CDH18: variants seen among roughly 807,000 people sequenced by gnomAD.
CDH18 encodes cadherin 18.
CDH18 carries 31 observed loss-of-function variants against 67.9 expected under a neutral mutation model. The observed-to-expected ratio is 0.46, with a 90% CI of 0.34 to 0.62. CDH18 has a LOEUF of 0.62. Among genes scored for constraint, CDH18 ranks in the 20% least tolerant of loss-of-function variants. The pLI is 0.01. For missense variants in CDH18, 890 were observed against 975.5 expected, an observed-to-expected ratio of 0.91 and a Z score of 1.17; for synonymous variants, 362 against 347.2, an observed-to-expected ratio of 1.04 and a Z score of -0.48.
chr5:19,869,749 G>T (rs1786018902), intron 2 of CDH18, among the ~76,000 whole-genome samples: 1 of 151,836 alleles, frequency 6.6e-6, no homozygotes, highest in Non-Finnish European at 1.5e-5. Context: ...TACATTATTG[G>T]GGCTAAAGTA....
At chr5:19,871,961 C>A (rs1283271407) in intron 2 of CDH18, among the ~76,000 whole-genome samples, 1 of 151,698 alleles carries the variant, frequency 6.6e-6, no homozygotes, top group Non-Finnish European at 1.5e-5. Context: ...ATGTGAGTTT[C>A]TTTTTTAATC....
At chr5:20,338,110 A>G (rs1188747163) in intron 1 of CDH18, among the ~76,000 whole-genome samples, 2 of 152,172 alleles carry the variant, frequency 1.3e-5, no homozygotes, top group Non-Finnish European at 2.9e-5. Flanking sequence ...CCCTCCAACA[A>G]TAGGTGGGAT....
At chr5:19,513,320 A>G (rs1745417110) in intron 10 of CDH18, among the ~76,000 whole-genome samples, 1 of 152,104 alleles carries the variant, frequency 6.6e-6, no homozygotes, top group South Asian at 2.1e-4. Flanking sequence ...TTCTAAAAAT[A>G]TATGCATTAT....
At chr5:20,104,770 C>T (rs1321882925) in intron 2 of CDH18, among the ~76,000 whole-genome samples, 1 of 151,926 alleles carries the variant, frequency 6.6e-6, no homozygotes, top group Non-Finnish European at 1.5e-5. Context: ...CTAATGCTAC[C>T]TTTTCCATAG....
intron 1 of CDH18, among the ~76,000 whole-genome samples, chr5:20,495,293 T>C (rs1753839938): frequency 6.6e-6 from 1 of 152,088 alleles, no homozygotes; most frequent in Admixed American, 6.6e-5. Flanking sequence ...ATTCAAAGTT[T>C]TACTGTATAA....
intron 2 of CDH18, among the ~76,000 whole-genome samples, chr5:20,077,362 G>A (rs1228989202): frequency 1.3e-5 from 2 of 152,174 alleles, no homozygotes; most frequent in Admixed American, 1.3e-4. Context: ...CAGACAAATT[G>A]TCGTGCTATT....
chr5:20,151,708 T>C (rs1047542064), intron 2 of CDH18, among the ~76,000 whole-genome samples: 1 of 152,130 alleles, frequency 6.6e-6, no homozygotes, highest in Admixed American at 6.6e-5. Context: ...CGTCAAATAC[T>C]TCTTTTCCCA....
chr5:19,758,406 A>G (rs773210615), intron 3 of CDH18, among the ~76,000 whole-genome samples: 1 of 152,220 alleles, frequency 6.6e-6, no homozygotes, highest in Non-Finnish European at 1.5e-5. Context: ...TGATTCACCT[A>G]TGGTGGCCTG....
chr5:19,820,589 G>A (rs1779771422), intron 3 of CDH18, among the ~76,000 whole-genome samples: 1 of 152,172 alleles, frequency 6.6e-6, no homozygotes, highest in Non-Finnish European at 1.5e-5. Context: ...ATGTCCCCTG[G>A]TGGACTAACC....
chr5:20,427,300 A>G (rs1374569468), intron 1 of CDH18, among the ~76,000 whole-genome samples: 2 of 151,252 alleles, frequency 1.3e-5, no homozygotes, highest in Non-Finnish European at 2.9e-5. Flanking sequence ...GAGAAAATGT[A>G]TCTTAGAAAG....
At chr5:20,305,540 C>G (rs1736350035) in intron 1 of CDH18, 9 of 789,722 alleles carry the variant, frequency 1.1e-5, no homozygotes, top group Non-Finnish European at 1.8e-5. Context: ...TCTCGAGCGG[C>G]TGGTGGTCGC....
intron 3 of CDH18, chr5:19,803,701 A>G (rs1424129001): frequency 6.6e-6 from 1 of 152,230 alleles, no homozygotes; most frequent in African/African-American, 2.4e-5. Flanking sequence ...TCAATAAAAT[A>G]CATTTCTTAT....
chr5:20,287,229 A>C (rs1419345395), intron 1 of CDH18, among the ~76,000 whole-genome samples: 2 of 151,756 alleles, frequency 1.3e-5, no homozygotes. Context: ...TACTTAAAGA[A>C]AGCATGTCAT....
intron 2 of CDH18, among the ~76,000 whole-genome samples, chr5:19,929,956 A>G (rs904349532): frequency 1.3e-5 from 2 of 152,070 alleles, no homozygotes; most frequent in Admixed American, 1.3e-4. Flanking sequence ...GTAGAGGTTG[A>G]AGTAGAAACT....
At chr5:20,363,560 C>A (rs1439055183) in intron 1 of CDH18, among the ~76,000 whole-genome samples, 1 of 149,432 alleles carries the variant, frequency 6.7e-6, no homozygotes, top group Non-Finnish European at 1.5e-5. Context: ...TTGCATGTAT[C>A]TTTCCTTACC....
chr5:20,498,343 A>G (rs147405549), intron 1 of CDH18, among the ~76,000 whole-genome samples: 1 of 152,100 alleles, frequency 6.6e-6, no homozygotes, highest in Admixed American at 6.6e-5. Flanking sequence ...AATCAGCTGC[A>G]TGTAATGATA....
rs1380846291 is a variant in CDH18 at position 19,839,009 on chromosome 5, C to A, written c.-23G>T. The A allele has an allele frequency of 6.3e-7, 1 of 1,582,686 alleles. No homozygotes were observed. Among genetic ancestry groups the A allele is most frequent in the South Asian group, 1.1e-5 (1 of 90,472 alleles). On this transcript the variant is annotated 5_prime_UTR_variant, in exon 3 of 13. Transcript: ENST00000382275. ...CATTGTAAGATAACTTTCCAGTTCACAGTTTTCCTTCCTTTCCTTGTCAGC... is the reference window on the plus strand; with the variant it reads ...CATTGTAAGATAACTTTCCAGTTCAAAGTTTTCCTTCCTTTCCTTGTCAGC...
At chr5:20,048,812 A>G (rs1252889518) in intron 2 of CDH18, among the ~76,000 whole-genome samples, 1 of 151,666 alleles carries the variant, frequency 6.6e-6, no homozygotes, top group Non-Finnish European at 1.5e-5. Context: ...ACTTTTATCT[A>G]GTAGGTTTTA....
intron 2 of CDH18, among the ~76,000 whole-genome samples, chr5:20,055,275 CA>C (rs1196044290): frequency 6.6e-6 from 1 of 152,146 alleles, no homozygotes; most frequent in African/African-American, 2.4e-5. Flanking sequence ...TAAATTCAAG[CA>C]AAAATATTCT....
Sources: gnomAD v4.1 joint callset for allele counts (sites outside exome capture counted in the v4.1 genomes callset) on GRCh38, gnomAD v4.1.1 for gene constraint, MANE v1.5 for transcripts, NCBI Gene and HGNC (gene_info 2026-07-23, HGNC 2026-07-21) for gene names.